FRMD5: variants seen among roughly 807,000 people sequenced by gnomAD.
FRMD5 encodes the protein FERM domain-containing protein 5.
FRMD5 carries 20 observed loss-of-function variants against 69.0 expected under a neutral mutation model. The observed-to-expected ratio is 0.29, with a 90% CI of 0.20 to 0.42. The LOEUF is 0.42. Ranked by LOEUF, FRMD5 falls within the 10% of genes least tolerant of loss-of-function variation. FRMD5 has a pLI of 1.00. For missense variants in FRMD5, 595 were observed against 708.6 expected, an observed-to-expected ratio of 0.84 and a Z score of 1.82; for synonymous variants, 271 against 260.1, an observed-to-expected ratio of 1.04 and a Z score of -0.40.
intron 1 of FRMD5, among the ~76,000 whole-genome samples, chr15:44,127,873 A>AAAAT (rs2077044873): frequency 6.6e-6 from 1 of 152,166 alleles, no homozygotes. Context: ...GTCTGTCTCC[A>AAAAT]AAATAAATAA....
intron 7 of FRMD5, among the ~76,000 whole-genome samples, chr15:43,892,682 G>A (rs1305315159): frequency 6.6e-6 from 1 of 152,210 alleles, no homozygotes; most frequent in Non-Finnish European, 1.5e-5. Context: ...ATGAAGGACT[G>A]ATAGACGCTA....
intron 1 of FRMD5, among the ~76,000 whole-genome samples, chr15:44,067,297 A>G (rs888223074): frequency 1.3e-5 from 2 of 152,226 alleles, no homozygotes; most frequent in African/African-American, 4.8e-5. Context: ...GGATATAATC[A>G]TGAGCAAAAA....
At chr15:44,196,689 ATTTTT>A (rs374948519), upstream of FRMD5, among the ~76,000 whole-genome samples, 7 of 121,054 alleles carry the variant, frequency 5.8e-5, no homozygotes, top group Admixed American at 5.6e-4. Context: ...ATTTTCCCCA[ATTTTT>A]TTTTTTTTTT....
intron 1 of FRMD5, among the ~76,000 whole-genome samples, chr15:43,952,671 T>C (rs1052780096): frequency 6.6e-6 from 1 of 152,218 alleles, no homozygotes. Flanking sequence ...AGCCTGCAGC[T>C]TCTGAGCTGT....
At chr15:44,190,631 T>C (rs567297237) in intron 1 of FRMD5, among the ~76,000 whole-genome samples, 1 of 152,120 alleles carries the variant, frequency 6.6e-6, no homozygotes, top group Non-Finnish European at 1.5e-5. Context: ...ACCTCATAAA[T>C]ACCACACTAA....
At chr15:43,983,978 T>G (rs1312053882) in intron 1 of FRMD5, among the ~76,000 whole-genome samples, 1 of 152,234 alleles carries the variant, frequency 6.6e-6, no homozygotes, top group African/African-American at 2.4e-5. Flanking sequence ...ACAAGACACA[T>G]TAGCATTTCA....
intron 1 of FRMD5, among the ~76,000 whole-genome samples, chr15:43,944,962 T>A (rs898346157): frequency 5.3e-5 from 8 of 151,644 alleles, no homozygotes; most frequent in Non-Finnish European, 1.2e-4. Flanking sequence ...TTTATTTTTT[T>A]TTTTTTTGAT....
intron 1 of FRMD5, among the ~76,000 whole-genome samples, chr15:43,936,915 C>A (rs1409024347): frequency 6.6e-6 from 1 of 152,084 alleles, no homozygotes; most frequent in East Asian, 1.9e-4. Flanking sequence ...AGATCGCTAA[C>A]TGGGTCCTTG....
At chr15:44,082,561 G>C (rs1566936945) in intron 1 of FRMD5, among the ~76,000 whole-genome samples, 1 of 151,934 alleles carries the variant, frequency 6.6e-6, no homozygotes, top group Non-Finnish European at 1.5e-5. Context: ...GAAATTCTAT[G>C]AGACAGGAAG....
intron 1 of FRMD5, among the ~76,000 whole-genome samples, chr15:44,059,130 T>G (rs1892989717): frequency 2.0e-5 from 3 of 152,130 alleles, no homozygotes; most frequent in Non-Finnish European, 4.4e-5. Flanking sequence ...AATCACAAAC[T>G]ACAGAAGGGA....
intron 1 of FRMD5, among the ~76,000 whole-genome samples, chr15:43,976,094 T>C (rs1199323462): frequency 6.8e-6 from 1 of 147,426 alleles, no homozygotes; most frequent in Admixed American, 6.7e-5. Context: ...GAGACTTCAA[T>C]TCATACCTTG....
chr15:44,198,340 A>AG (rs1257961809), upstream of FRMD5, among the ~76,000 whole-genome samples: 1 of 151,358 alleles, frequency 6.6e-6, no homozygotes, highest in Non-Finnish European at 1.5e-5. Context: ...AAAAAAAAAA[A>AG]AAAGGAATTA....
intron 1 of FRMD5, among the ~76,000 whole-genome samples, chr15:44,154,062 C>A (rs1435010290): frequency 6.6e-6 from 1 of 152,070 alleles, no homozygotes. Flanking sequence ...TGGCTCACAC[C>A]CGTAGTCCTA....
intron 1 of FRMD5, among the ~76,000 whole-genome samples, chr15:44,030,193 A>ATT (rs761170480): frequency 6.0e-4 from 89 of 148,842 alleles, no homozygotes; most frequent in Non-Finnish European, 1.0e-3. Flanking sequence ...TACAACACTG[A>ATT]TTTTTTTTTT....
chr15:43,876,346 G>T lies in FRMD5; in HGVS notation c.1136-1884C>A, dbSNP rs545705227. 4.0e-5 allele frequency: 35 copies of T among 864,872 alleles called. No individual in the cohort carries two copies. In the East Asian group the frequency reaches 8.4e-4, roughly 21 times the overall value. 53.6% of individuals were successfully genotyped at this position (864,872 alleles called of 1,614,324 possible). A position where few individuals can be genotyped will look rare whatever the true frequency, so the allele number is the denominator to read the frequency against. On this transcript the variant is annotated intron_variant, in intron 13 of 13. Transcript: ENST00000417257. Reference sequence around the variant, plus strand: ...ACCCCTGATGCAGAGCTGGGACCACGGTTTGAGTCTCAAGTCTGCCTGTTG... The same window carrying T: ...ACCCCTGATGCAGAGCTGGGACCACTGTTTGAGTCTCAAGTCTGCCTGTTG...
intron 1 of FRMD5, chr15:43,990,158 G>A (rs1889604255): frequency 7.0e-6 from 4 of 572,816 alleles, no homozygotes; most frequent in Non-Finnish European, 1.0e-5. Flanking sequence ...CATTGTCGAC[G>A]ACAAGCATGG....
chr15:43,949,070 A>G (rs1038457315), intron 1 of FRMD5, among the ~76,000 whole-genome samples: 6 of 152,248 alleles, frequency 3.9e-5, no homozygotes, highest in Non-Finnish European at 8.8e-5. Flanking sequence ...AGAAGCACTA[A>G]GCAGGCTTCA....
chr15:44,010,400 C>CT (rs5812260), intron 1 of FRMD5, among the ~76,000 whole-genome samples: 121,135 of 139,978 alleles, frequency 0.87, 53,414 homozygotes, highest in East Asian at 0.99. Flanking sequence ...TTTTCCTTTT[C>CT]TTTTTTTTTT....
At position 43,885,897 on chromosome 15, in the gene FRMD5, C is replaced by A. The variant is rs752494370; in HGVS notation, c.885-142G>T. ...ATAGTCCACATTTGTCTCTGACTCT[C>A]ATTTAGGATCTGGGGGCTGTGCTCA... On this transcript the variant is annotated intron_variant, in intron 10 of 13. Transcript: ENST00000417257. The A allele has an allele frequency of 1.0e-5, 7 of 681,468 alleles. No individual in the cohort carries two copies. The African/African-American group carries it at 1.1e-4, about 10-fold the overall frequency. The allele number at this position is 681,468 out of a possible 1,614,324, so 42.2% of individuals were successfully genotyped here. A position where few individuals can be genotyped will look rare whatever the true frequency, so the allele number is the denominator to read the frequency against.
Sources: allele counts gnomAD v4.1 joint callset (sites outside exome capture counted in the v4.1 genomes callset), GRCh38; gene constraint gnomAD v4.1.1; transcripts MANE v1.5; gene names NCBI Gene and HGNC (gene_info 2026-07-23, HGNC 2026-07-21).